DOCK3: variants seen among roughly 807,000 people sequenced by gnomAD.
DOCK3 encodes dedicator of cytokinesis 3.
A neutral mutation model predicts 265.6 loss-of-function variants in DOCK3; 60 were observed. That is an observed-to-expected ratio of 0.23 (90% CI 0.18 to 0.28). DOCK3 has a LOEUF of 0.28. Among genes scored for constraint, DOCK3 ranks in the 10% least tolerant of loss-of-function variants. The probability of loss-of-function intolerance (pLI) is 1.00; values close to 1 mark genes in which losing one functional copy is unlikely to be tolerated. For synonymous variants in DOCK3, 881 were observed against 938.0 expected (o/e 0.94, Z 1.11); for missense variants, 1,981 against 2,594.3 (o/e 0.76, Z 5.14).
At chr3:50,931,980 A>G (rs2051091677) in intron 4 of DOCK3, among the ~76,000 whole-genome samples, 1 of 152,144 alleles carries the variant, frequency 6.6e-6, no homozygotes, top group African/African-American at 2.4e-5. Context: ...CTGGATTCCT[A>G]GACTCCCACA....
rs1171997151 is a variant in DOCK3 at position 51,350,206 on chromosome 3, A to G, written c.4003-82A>G. The G allele has an allele frequency of 9.9e-6, 12 of 1,216,452 alleles. No homozygotes were observed. The Admixed American group carries it at 1.1e-4, about 12-fold the overall frequency. 75.4% of individuals were successfully genotyped at this position (1,216,452 alleles called of 1,614,324 possible). On this transcript the variant is annotated intron_variant, in intron 39 of 52. Transcript: ENST00000266037. ...AGTTGCCATGATCCCTTTCCAGAAG[A>G]CAGTGTCCAGTTGGGCCTGGGAGAA...
intron 27 of DOCK3, among the ~76,000 whole-genome samples, chr3:51,294,411 G>A (rs1240433296): frequency 6.6e-6 from 1 of 152,158 alleles, no homozygotes; most frequent in Non-Finnish European, 1.5e-5. Flanking sequence ...GGGCGCAGTA[G>A]CTCAAGCCTG....
At chr3:51,042,898 G>A (rs1318125920) in intron 5 of DOCK3, among the ~76,000 whole-genome samples, 3 of 152,024 alleles carry the variant, frequency 2.0e-5, no homozygotes, top group Non-Finnish European at 4.4e-5. Flanking sequence ...GAGGTTGAAA[G>A]ATCTCTACAA....
chr3:50,763,696 A>G (rs1247021115), intron 1 of DOCK3, among the ~76,000 whole-genome samples: 1 of 152,034 alleles, frequency 6.6e-6, no homozygotes, highest in Non-Finnish European at 1.5e-5. Flanking sequence ...TCTTTTTAAT[A>G]TTTTTTATTT....
At chr3:51,141,325 G>A (rs2085061503) in intron 9 of DOCK3, among the ~76,000 whole-genome samples, 1 of 140,508 alleles carries the variant, frequency 7.1e-6, no homozygotes, top group Non-Finnish European at 1.5e-5. Flanking sequence ...CAGTTCCTAA[G>A]GGGTATAATT....
intron 42 of DOCK3, 51 bp from the exon 43 acceptor site, chr3:51,356,356 G>T (rs1412416728): frequency 5.6e-6 from 9 of 1,612,304 alleles, no homozygotes; most frequent in Admixed American, 5.0e-5. Flanking sequence ...GGTAGGCAGG[G>T]TGTGGCAAAA....
chr3:50,998,467 G>A (rs2078358633), intron 5 of DOCK3, among the ~76,000 whole-genome samples: 1 of 152,152 alleles, frequency 6.6e-6, no homozygotes, highest in South Asian at 2.1e-4. Flanking sequence ...GTTTACGAAT[G>A]AGTTGATACA....
In DOCK3 at chr3:51,270,984, A is replaced by C; in HGVS notation, c.2525A>C (p.Asp842Ala). 6.2e-7 allele frequency: 1 copy of C among 1,612,940 alleles called. No homozygotes were observed. The highest frequency in any genetic ancestry group is 8.5e-7 in the Non-Finnish European group (1 of 1,179,430). Residue 842 changes from aspartate to alanine, a missense_variant, in exon 24 of 53, where the codon GAT becomes GCT. By Grantham distance (126) the Asp-to-Ala change is moderately radical. Transcript: ENST00000266037. ...CTGCAGTCCATTGCCAGGACAGTGG[A>C]TAGCCGCCTGTTTTCTTTCTCAGGT... ...VKLQSIARTV[D>A]SRLFSFSESR...
intron 5 of DOCK3, among the ~76,000 whole-genome samples, chr3:50,969,614 T>A (rs926028347): frequency 4.6e-5 from 7 of 152,214 alleles, no homozygotes; most frequent in Non-Finnish European, 7.3e-5. Flanking sequence ...ATGGCAAGTA[T>A]CAACCTTTTG....
intron 9 of DOCK3, among the ~76,000 whole-genome samples, chr3:51,097,785 G>A (rs537252624): frequency 1.5e-4 from 23 of 152,322 alleles, no homozygotes; most frequent in Admixed American, 5.2e-4. Context: ...TGCGAAGACC[G>A]TGGGGAAAGC....
At chr3:51,221,263 CTGTT>C (rs1372468956) in intron 14 of DOCK3, among the ~76,000 whole-genome samples, 3 of 152,246 alleles carry the variant, frequency 2.0e-5, no homozygotes, top group Admixed American at 2.0e-4. Context: ...CTCCCAGTAG[CTGTT>C]TGTCTAGGTG....
intron 5 of DOCK3, among the ~76,000 whole-genome samples, chr3:50,938,696 A>G (rs920637562): frequency 5.9e-5 from 9 of 152,066 alleles, no homozygotes; most frequent in African/African-American, 2.2e-4. Context: ...TAAAAGCTAT[A>G]TCAAAATGAA....
At chr3:51,162,456 T>C (rs150202106) in intron 12 of DOCK3, among the ~76,000 whole-genome samples, 1 of 152,322 alleles carries the variant, frequency 6.6e-6, no homozygotes, top group African/African-American at 2.4e-5. Context: ...CATGCATCAG[T>C]CACAGGCTTT....
chr3:50,886,253 C>T (rs971602593), intron 3 of DOCK3, among the ~76,000 whole-genome samples: 1 of 149,034 alleles, frequency 6.7e-6, no homozygotes, highest in African/African-American at 2.4e-5. Context: ...TGGAGAAATA[C>T]TGAAAAGTAT....
At chr3:51,157,732 T>G (rs965084581) in intron 10 of DOCK3, among the ~76,000 whole-genome samples, 9 of 151,842 alleles carry the variant, frequency 5.9e-5, no homozygotes, top group African/African-American at 2.2e-4. Flanking sequence ...GTTTACAAAT[T>G]AAGAAACATG....
chr3:51,140,315 G>T (rs2084991450), intron 9 of DOCK3, among the ~76,000 whole-genome samples: 1 of 152,094 alleles, frequency 6.6e-6, no homozygotes, highest in African/African-American at 2.4e-5. Flanking sequence ...CTGTAGATTT[G>T]CCTATTGTAG....
intron 4 of DOCK3, among the ~76,000 whole-genome samples, chr3:50,898,337 C>T (rs1360105601): frequency 6.6e-6 from 1 of 151,948 alleles, no homozygotes; most frequent in African/African-American, 2.4e-5. Flanking sequence ...CCCTTTATCA[C>T]ACTTTATTGG....
chr3:51,177,187 G>A (rs1346795704), intron 12 of DOCK3, among the ~76,000 whole-genome samples: 1 of 152,166 alleles, frequency 6.6e-6, no homozygotes, highest in Non-Finnish European at 1.5e-5. Flanking sequence ...GTAAGATAAT[G>A]CTAGTAATCA....
At chr3:51,284,469 C>G (rs1432472201) in intron 27 of DOCK3, among the ~76,000 whole-genome samples, 2 of 152,122 alleles carry the variant, frequency 1.3e-5, no homozygotes, top group African/African-American at 4.8e-5. Flanking sequence ...TATTAATCTC[C>G]CTAGATCACA....
Sources: gnomAD v4.1 joint callset for allele counts (sites outside exome capture counted in the v4.1 genomes callset) on GRCh38, gnomAD v4.1.1 for gene constraint, MANE v1.5 for transcripts, NCBI Gene and HGNC (gene_info 2026-07-23, HGNC 2026-07-21) for gene names.